The following ROCK1 variants were observed in gnomAD, a reference collection of about 807,000 sequenced individuals.
The protein encoded by ROCK1 is Rho associated coiled-coil containing protein kinase 1, also known as rho-associated protein kinase 1.
A neutral mutation model predicts 196.8 loss-of-function variants in ROCK1; 36 were observed. The observed-to-expected ratio is 0.18, with a 90% CI of 0.14 to 0.24. The LOEUF is 0.24. Among genes scored for constraint, ROCK1 ranks in the 10% least tolerant of loss-of-function variants. The pLI is 1.00. For missense variants in ROCK1, 920 were observed against 1,562.0 expected, an observed-to-expected ratio of 0.59 and a Z score of 6.93; for synonymous variants, 443 against 515.9, an observed-to-expected ratio of 0.86 and a Z score of 1.91.
At position 21,020,075 on chromosome 18, in the gene ROCK1, T is replaced by G. The variant is rs931324386; in HGVS notation, c.1361+76A>C. The G allele has an allele frequency of 1.1e-5, 9 of 783,178 alleles. No homozygotes were observed. In the African/African-American group the frequency reaches 1.6e-4, roughly 14 times the overall value. 48.5% of individuals were successfully genotyped at this position (783,178 alleles called of 1,614,324 possible). ...TCATTTTCTATTTACTTTCAGATGT[T>G]TACAGGGTATAAGCTTTCAAGTAAG... On this transcript the variant is annotated intron_variant, in intron 12 of 32. Coordinates refer to ENST00000399799, the MANE Select transcript of ROCK1 (RefSeq NM_005406.3).
rs2035166500 is a variant in ROCK1 at position 20,949,829 on chromosome 18, A to G, written c.*1555T>C. The G allele has an allele frequency of 6.5e-6, 1 of 152,684 alleles. No individual in the cohort carries two copies. Among genetic ancestry groups the G allele is most frequent in the Non-Finnish European group, 1.5e-5 (1 of 68,042 alleles). The allele number at this position is 152,684 out of a possible 1,614,324, so 9.5% of individuals were successfully genotyped here. On this transcript the variant is annotated 3_prime_UTR_variant, in exon 33 of 33. Coordinates refer to ENST00000399799, the MANE Select transcript of ROCK1 (RefSeq NM_005406.3). ...GAGACTAATTTGAAGTATGTTTTCC[A>G]TTCATTTCAGCCATGAGAAAACACA...
chr18:20,990,194 TTG>T (rs1469571742), intron 18 of ROCK1, among the ~76,000 whole-genome samples: 1 of 152,034 alleles, frequency 6.6e-6, no homozygotes, highest in Non-Finnish European at 1.5e-5. Flanking sequence ...TGAACTAGGG[TTG>T]TGTTTGGAGG....
At chr18:21,047,551 T>C (rs1285537755) in intron 4 of ROCK1, among the ~76,000 whole-genome samples, 2 of 152,156 alleles carry the variant, frequency 1.3e-5, no homozygotes, top group Non-Finnish European at 2.9e-5. Context: ...CCCAGCACTT[T>C]GGGAGGCCGA....
Position 20,986,995 on chromosome 18 carries a change from C to T in ROCK1, c.2259G>A (p.Gln753=), listed in dbSNP as rs761350425. The change falls in exon 19 of 33, where the codon CAG becomes CAA. Residue 753 remains glutamine, a synonymous_variant. Transcript: ENST00000399799. ...TATTTCCAGTCAAATGTTCTAGTTT[C>T]TGCTGAGATTGCTTCAGATCAACGT... The part of the protein sequence containing the change: ...MLDVDLKQSQ[Q]KLEHLTGNKE... 6.2e-7 allele frequency: 1 copy of T among 1,607,540 alleles called. No homozygotes were observed. Among genetic ancestry groups the T allele is most frequent in the African/African-American group, 1.3e-5 (1 of 74,712 alleles).
chr18:20,979,788 T>G, intron 22 of ROCK1, 122 bp downstream of exon 22: 1 of 1,187,416 alleles, frequency 8.4e-7, no homozygotes, highest in Non-Finnish European at 1.1e-6. Flanking sequence ...TGTTCTGAAT[T>G]AGCCCAATAA....
chr18:21,015,909 G>T (rs571964225), intron 12 of ROCK1, among the ~76,000 whole-genome samples: 1 of 151,900 alleles, frequency 6.6e-6, no homozygotes, highest in South Asian at 2.1e-4. Flanking sequence ...GAACCTGGGA[G>T]GTGGAGGTTG....
rs144521573 is a variant in ROCK1, at chr18:21,020,362, T to C, written c.1273-123A>G. On this transcript the variant is annotated intron_variant, in intron 11 of 32. Coordinates refer to ENST00000399799, the MANE Select transcript of ROCK1 (RefSeq NM_005406.3). ...ATAATTTAATTTAATCTTACCTCTT[T>C]CTATCTCAATTTTTTTATTATTAAT... The C allele has an allele frequency of 1.1e-3, 515 of 472,420 alleles. 1 individual carries two copies. The highest frequency in any genetic ancestry group is 9.3e-3 in the African/African-American group (457 of 49,212). 29.3% of individuals were successfully genotyped at this position (472,420 alleles called of 1,614,324 possible).
chr18:21,023,778 G>T, intron 10 of ROCK1, 98 bp from the exon 11 acceptor site: 1 of 536,198 alleles, frequency 1.9e-6, no homozygotes, highest in Non-Finnish European at 3.3e-6. Context: ...TTTATGTTCA[G>T]TTATAGTAAC....
At chr18:20,997,239 T>G (rs1173115049) in intron 16 of ROCK1, among the ~76,000 whole-genome samples, 1 of 152,018 alleles carries the variant, frequency 6.6e-6, no homozygotes, top group Admixed American at 6.5e-5. Context: ...ACACACTTCA[T>G]GTATAAAGGT....
chr18:21,060,185 A>G (rs894142755), intron 2 of ROCK1, among the ~76,000 whole-genome samples: 3 of 152,236 alleles, frequency 2.0e-5, no homozygotes, highest in African/African-American at 7.2e-5. Context: ...CAAACGGGTG[A>G]ATTTTATAGC....
intron 4 of ROCK1, among the ~76,000 whole-genome samples, chr18:21,045,897 CTGT>C (rs2036151768): frequency 9.6e-6 from 1 of 103,722 alleles, no homozygotes; most frequent in Non-Finnish European, 1.7e-5. Context: ...ACAGTTTCAG[CTGT>C]TTTTTTTTTT....
chr18:21,005,656 C>T (rs1379701894), intron 16 of ROCK1, among the ~76,000 whole-genome samples: 1 of 152,066 alleles, frequency 6.6e-6, no homozygotes. Flanking sequence ...GTGGGCGGAT[C>T]GCTTGAGCTC....
intron 13 of ROCK1, 103 bp from the exon 14 acceptor site, chr18:21,008,297 A>G: frequency 1.3e-6 from 1 of 799,288 alleles, no homozygotes; most frequent in Non-Finnish European, 1.9e-6. Flanking sequence ...AAAAAAAAAG[A>G]CAAACACTTA....
intron 1 of ROCK1, among the ~76,000 whole-genome samples, chr18:21,092,197 G>A (rs1320323544): frequency 2.0e-5 from 3 of 152,118 alleles, no homozygotes. Flanking sequence ...ACAAGGTATT[G>A]GAGAGTTACA....
intron 32 of ROCK1, chr18:20,953,163 G>T (rs1388602077): frequency 5.9e-6 from 1 of 169,806 alleles, no homozygotes; most frequent in Non-Finnish European, 1.2e-5. Context: ...AAATAATTTT[G>T]TATGTTGGGA....
intron 1 of ROCK1, among the ~76,000 whole-genome samples, chr18:21,093,099 T>C (rs1156617444): frequency 6.6e-6 from 1 of 152,214 alleles, no homozygotes; most frequent in Non-Finnish European, 1.5e-5. Context: ...TTGACTGAGA[T>C]TGATTCAGAT....
chr18:21,093,000 C>T (rs750661177), intron 1 of ROCK1, among the ~76,000 whole-genome samples: 13 of 152,076 alleles, frequency 8.5e-5, no homozygotes, highest in African/African-American at 9.7e-5. Context: ...TTCATGCAAC[C>T]GTAATGTATC....
chr18:21,041,154 G>C (rs534527474), intron 8 of ROCK1, among the ~76,000 whole-genome samples: 22 of 150,194 alleles, frequency 1.5e-4, no homozygotes, highest in African/African-American at 4.9e-4. Flanking sequence ...AAATTAGCCA[G>C]GCATGGGTGG....
chr18:20,989,347 T>G (rs749938085), intron 18 of ROCK1, among the ~76,000 whole-genome samples: 2 of 152,166 alleles, frequency 1.3e-5, no homozygotes, highest in Admixed American at 6.5e-5. Flanking sequence ...GGCCATTAAC[T>G]AGGTTAGTGA....
Sources: allele counts gnomAD v4.1 joint callset (sites outside exome capture counted in the v4.1 genomes callset), GRCh38; gene constraint gnomAD v4.1.1; transcripts MANE v1.5; gene names NCBI Gene and HGNC (gene_info 2026-07-23, HGNC 2026-07-21).